MBD5: variants seen among roughly 807,000 people sequenced by gnomAD.
MBD5 encodes the protein methyl-CpG binding domain protein 5, also known as methyl-CpG-binding domain protein 5.
Under a neutral mutation model 117.3 loss-of-function variants are expected in MBD5, and 13 were observed. The ratio of observed to expected loss-of-function variants is 0.11; its 90% CI spans 0.07 to 0.18. The LOEUF is 0.18. Ranked by LOEUF, MBD5 falls within the 10% of genes least tolerant of loss-of-function variation. The pLI is 1.00. For synonymous variants in MBD5, 727 were observed against 766.4 expected, an observed-to-expected ratio of 0.95 and a Z score of 0.85; for missense variants, 1,879 against 2,093.8, an observed-to-expected ratio of 0.90 and a Z score of 2.00.
chr2:148,346,904 A>G (rs1703137147), intron 4 of MBD5: 1 of 151,898 alleles, frequency 6.6e-6, no homozygotes, highest in Non-Finnish European at 1.5e-5. Flanking sequence ...CTATTATAGA[A>G]AGTCAGAAAC....
intron 1 of MBD5, among the ~76,000 whole-genome samples, chr2:148,077,998 T>C (rs983381571): frequency 6.6e-6 from 1 of 152,172 alleles, no homozygotes; most frequent in South Asian, 2.1e-4. Context: ...GAATGTAGAA[T>C]GTCAATGCCA....
intron 3 of MBD5, among the ~76,000 whole-genome samples, chr2:148,334,713 A>G (rs563235404): frequency 6.6e-6 from 1 of 152,300 alleles, no homozygotes; most frequent in African/African-American, 2.4e-5. Flanking sequence ...TTAAGTGCAT[A>G]TGTTCAATCT....
At position 148,239,775 on chromosome 2, in the gene MBD5, G is replaced by A. The variant is rs567931830; in HGVS notation, c.-680+6380G>A. 1.2e-4 allele frequency among the ~76,000 whole-genome samples: 18 copies of A among 151,558 alleles called. No homozygotes were observed. The South Asian group carries it at 3.5e-3, about 30-fold the overall frequency. ...CAGGCTGGAGTGCAGTGGCATGAAC[G>A]TGGCTCAGTGCAGCCTTAACCTCCT... is the stretch of plus-strand genomic sequence containing the variant. On this transcript the variant is annotated intron_variant, in intron 3 of 13. Transcript: ENST00000642680.
intron 3 of MBD5, among the ~76,000 whole-genome samples, chr2:148,290,248 G>A (rs143461006): frequency 5.3e-4 from 79 of 150,098 alleles, no homozygotes; most frequent in African/African-American, 1.8e-3. Context: ...GTGAGTCACC[G>A]CACCCAGCCA....
intron 3 of MBD5, among the ~76,000 whole-genome samples, chr2:148,311,863 G>A (rs1434314030): frequency 6.6e-6 from 1 of 152,162 alleles, no homozygotes; most frequent in East Asian, 1.9e-4. Flanking sequence ...AAATCTCTCA[G>A]CATTTGCTTG....
At chr2:148,286,045 A>C (rs1701361601) in intron 3 of MBD5, among the ~76,000 whole-genome samples, 1 of 152,138 alleles carries the variant, frequency 6.6e-6, no homozygotes, top group Admixed American at 6.5e-5. Context: ...TCAGGTATCC[A>C]TATAGTATTT....
chr2:148,395,543 G>T (rs577340864), intron 4 of MBD5, among the ~76,000 whole-genome samples: 1 of 150,308 alleles, frequency 6.7e-6, no homozygotes, highest in African/African-American at 2.5e-5. Flanking sequence ...TCCTGCTTCA[G>T]CCTCCCGAGT....
At chr2:148,173,866 A>C (rs1185874664) in intron 1 of MBD5, among the ~76,000 whole-genome samples, 1 of 152,220 alleles carries the variant, frequency 6.6e-6, no homozygotes, top group Non-Finnish European at 1.5e-5. Context: ...CATATTACCC[A>C]AAATTATCTA....
At chr2:148,153,378 T>C (rs1697750629) in intron 1 of MBD5, among the ~76,000 whole-genome samples, 1 of 151,464 alleles carries the variant, frequency 6.6e-6, no homozygotes, top group Admixed American at 6.6e-5. Flanking sequence ...TAACATTTTT[T>C]CCTTCATTTC....
At chr2:148,050,162 A>T (rs547465621) in intron 1 of MBD5, among the ~76,000 whole-genome samples, 1 of 152,260 alleles carries the variant, frequency 6.6e-6, no homozygotes, top group East Asian at 1.9e-4. Context: ...TCATTAGCAT[A>T]CGAGGGTTCC....
chr2:148,078,194 A>G (rs1423615601), intron 1 of MBD5, among the ~76,000 whole-genome samples: 1 of 152,140 alleles, frequency 6.6e-6, no homozygotes, highest in Non-Finnish European at 1.5e-5. Flanking sequence ...ATTAGAATCA[A>G]TTTCCTTAAC....
intron 1 of MBD5, among the ~76,000 whole-genome samples, chr2:148,050,626 A>G (rs779473472): frequency 7.2e-5 from 11 of 152,080 alleles, no homozygotes; most frequent in Non-Finnish European, 1.2e-4. Flanking sequence ...TGCCTATTCC[A>G]AGGTTATGAA....
At chr2:148,415,773 T>C (rs186814648) in intron 4 of MBD5, among the ~76,000 whole-genome samples, 9 of 152,372 alleles carry the variant, frequency 5.9e-5, no homozygotes, top group Non-Finnish European at 1.3e-4. Context: ...CTTGTGCTGG[T>C]ATTATAAAAT....
chr2:148,174,075 T>A (rs1312173479), intron 1 of MBD5, among the ~76,000 whole-genome samples: 2 of 152,062 alleles, frequency 1.3e-5, no homozygotes, highest in Non-Finnish European at 2.9e-5. Flanking sequence ...AATACTGTAG[T>A]GCTAGCAAAA....
intron 1 of MBD5, among the ~76,000 whole-genome samples, chr2:148,097,214 T>C (rs1204926632): frequency 6.6e-6 from 1 of 152,206 alleles, no homozygotes; most frequent in Non-Finnish European, 1.5e-5. Context: ...AGAAAAATAC[T>C]AGAAGATAAA....
intron 4 of MBD5, among the ~76,000 whole-genome samples, chr2:148,422,048 G>A (rs1312107798): frequency 1.3e-5 from 2 of 152,348 alleles, no homozygotes; most frequent in East Asian, 1.9e-4. Context: ...TCTGAAGACA[G>A]CAGTGTATCT....
At position 148,300,597 on chromosome 2, in the gene MBD5, G is replaced by C. The variant is rs76471649; in HGVS notation, c.-679-41617G>C. 4.6e-3 allele frequency among the ~76,000 whole-genome samples: 693 copies of C among 151,878 alleles called. 7 individuals are homozygous for C. Among genetic ancestry groups the C allele is most frequent in the African/African-American group, 0.016 (676 of 41,420 alleles). ...CAGCTAGTGGATATTTGTTATTCTT[G>C]GATAATTAGTATTAGAACTCTTTTT... On this transcript the variant is annotated intron_variant, in intron 3 of 13. Transcript: ENST00000642680.
At chr2:148,032,547 G>A (rs773814228) in intron 1 of MBD5, among the ~76,000 whole-genome samples, 1 of 152,064 alleles carries the variant, frequency 6.6e-6, no homozygotes, top group African/African-American at 2.4e-5. Flanking sequence ...TTAAACAAAG[G>A]TCAATGTGGC....
At position 148,437,323 on chromosome 2, in the gene MBD5, C is replaced by G. The variant is rs73019204; in HGVS notation, c.-556-20880C>G. 4.1e-3 allele frequency among the ~76,000 whole-genome samples: 629 copies of G among 152,214 alleles called. 6 individuals carry two copies. The highest frequency in any genetic ancestry group is 0.014 in the African/African-American group (589 of 41,540). On this transcript the variant is annotated intron_variant, in intron 4 of 13. Coordinates refer to ENST00000642680, the MANE Select transcript of MBD5 (RefSeq NM_001378120.1). Reference sequence around the variant, plus strand: ...AAGTTTATAGCTGGCCTTTTTAAATCTTGGGTGCAATATTACATACCCAAA... The same window carrying G: ...AAGTTTATAGCTGGCCTTTTTAAATGTTGGGTGCAATATTACATACCCAAA...
Sources: allele counts gnomAD v4.1 joint callset (sites outside exome capture counted in the v4.1 genomes callset), GRCh38; gene constraint gnomAD v4.1.1; transcripts MANE v1.5; gene names NCBI Gene and HGNC (gene_info 2026-07-23, HGNC 2026-07-21).